IL18BP: variants seen among roughly 807,000 people sequenced by gnomAD.
IL18BP encodes the protein interleukin 18 binding protein.
A neutral mutation model predicts 19.9 loss-of-function variants in IL18BP; 23 were observed. That is an observed-to-expected ratio of 1.15 (90% CI 0.83 to 1.64). The LOEUF is 1.64. Ranked by LOEUF, IL18BP falls within the 40% of genes most tolerant of loss-of-function variation. The pLI is 0.00. For missense variants in IL18BP, 239 were observed against 240.7 expected, an observed-to-expected ratio of 0.99 and a Z score of 0.05; for synonymous variants, 107 against 101.0, an observed-to-expected ratio of 1.06 and a Z score of -0.35.
At chr11:72,001,161 C>T (rs779087774) in intron 3 of IL18BP, 40 bp from the exon 4 acceptor site, 27 of 1,612,436 alleles carry the variant, frequency 1.7e-5, no homozygotes, top group East Asian at 2.2e-5. Context: ...AGGGGAAGGG[C>T]CTGCTCTTCT....
In IL18BP at chr11:72,002,281, C is replaced by T. The variant is rs185090146; in HGVS notation, c.*420C>T. On this transcript the variant is annotated 3_prime_UTR_variant, in exon 6 of 6. Transcript: ENST00000393703. ...TCCCATGTCTCTGCTCATTTAGTCC[C>T]GTCTTCCTCACCGCCCCAGCAGGGG... 29 of 199,180 alleles carry T rather than the reference C, an allele frequency of 1.5e-4. No homozygotes were observed. Among genetic ancestry groups the T allele is most frequent in the African/African-American group, 5.3e-4 (23 of 43,254 alleles). The allele number at this position is 199,180 out of a possible 1,614,324, so 12.3% of individuals were successfully genotyped here. A position where few individuals can be genotyped will look rare whatever the true frequency, so the allele number is the denominator to read the frequency against.
At chr11:72,000,615 TG>T in intron 3 of IL18BP, 58 bp downstream of exon 3, 1 of 1,471,062 alleles carries the variant, frequency 6.8e-7, no homozygotes, top group Non-Finnish European at 9.4e-7. Flanking sequence ...AGGGTCGGGT[TG>T]ACTCCTGAGC....
At chr11:72,006,235 G>A (rs1213426547), downstream of IL18BP, 1 of 1,614,038 alleles carries the variant, frequency 6.2e-7, no homozygotes, top group Non-Finnish European at 8.5e-7. Flanking sequence ...CGATGAGTTG[G>A]CGCTGTCTGG....
At chr11:71,999,790 A>AAC in intron 1 of IL18BP, 137 bp from the exon 2 acceptor site, 1 of 596,988 alleles carries the variant, frequency 1.7e-6, no homozygotes, top group East Asian at 2.8e-5. Context: ...TTGTCACTTG[A>AAC]CCCCCCCAGC....
chr11:72,001,075 G>T, intron 3 of IL18BP, 126 bp from the exon 4 acceptor site: 1 of 1,137,906 alleles, frequency 8.8e-7, no homozygotes, highest in East Asian at 2.5e-5. Flanking sequence ...CCTAGGTGGT[G>T]TGCAGAGCAG....
At chr11:72,007,621 T>C (rs1955831923), downstream of IL18BP, 1 of 702,622 alleles carries the variant, frequency 1.4e-6, no homozygotes, top group East Asian at 2.8e-5. Context: ...TCCACTCCCC[T>C]GGCTTCTCCT....
downstream of IL18BP, chr11:72,003,680 T>C (rs1590843788): frequency 3.4e-6 from 4 of 1,160,480 alleles, no homozygotes; most frequent in East Asian, 9.7e-5. Flanking sequence ...TTGCTGGCTG[T>C]GCCTGAGCAG....
Position 72,001,539 on chromosome 11 carries a change from T to C in IL18BP, c.494T>C (p.Leu165Pro). The part of the protein sequence containing the change: ...PEQVVQRHVV[L>P]AQLWAGLRAT... Reference sequence around the variant, plus strand: ...CAGGTTGTCCAGCGTCACGTCGTCCTGGCCCAGCTCTGGGTGAGGAGCCCA... The same window carrying C: ...CAGGTTGTCCAGCGTCACGTCGTCCCGGCCCAGCTCTGGGTGAGGAGCCCA... Residue 165 changes from leucine to proline, a missense_variant, in exon 5 of 6, where the codon CTG becomes CCG. Leu to Pro is a moderately conservative substitution (Grantham distance 98). Transcript: ENST00000393703. The C allele has an allele frequency of 6.2e-7, 1 of 1,612,644 alleles. No homozygotes were observed. Among genetic ancestry groups the C allele is most frequent in the South Asian group, 1.1e-5 (1 of 90,702 alleles).
rs914190770 is a variant in IL18BP, at chr11:72,002,172, T to G, written c.*311T>G. 1.1e-5 allele frequency: 5 copies of G among 449,156 alleles called. No homozygotes were observed. The highest frequency in any genetic ancestry group is 9.8e-5 in the African/African-American group (5 of 50,994). 27.8% of individuals were successfully genotyped at this position (449,156 alleles called of 1,614,324 possible). A position where few individuals can be genotyped will look rare whatever the true frequency, so the allele number is the denominator to read the frequency against. The stretch of plus-strand genomic sequence containing the variant: ...ACCAAGACTGTTGATGCCTTAGCCT[T>G]GCACTCCAGGGCCCTACCTGCATTT... On this transcript the variant is annotated 3_prime_UTR_variant, in exon 6 of 6. Transcript: ENST00000393703.
chr11:72,006,071 G>A (rs368954884), downstream of IL18BP: 358 of 1,613,506 alleles, frequency 2.2e-4, 1 homozygote, highest in Non-Finnish European at 2.8e-4. Flanking sequence ...GCCTGGGAAC[G>A]ACGAGCAGAA....
intron 2 of IL18BP, 108 bp from the exon 3 acceptor site, chr11:72,000,243 T>C: frequency 3.7e-6 from 4 of 1,075,474 alleles, no homozygotes; most frequent in Non-Finnish European, 5.6e-6. Context: ...CTCTTCCCGC[T>C]CTGATTCCCT....
intron 3 of IL18BP, 53 bp downstream of exon 3, chr11:72,000,610 C>A (rs1955163301): frequency 2.7e-6 from 4 of 1,498,878 alleles, no homozygotes; most frequent in Non-Finnish European, 3.7e-6. Flanking sequence ...TTCCCAGGGT[C>A]GGGTTGACTC....
chr11:72,000,077 T>G, intron 2 of IL18BP, 65 bp downstream of exon 2: 2 of 1,566,108 alleles, frequency 1.3e-6, no homozygotes, highest in Non-Finnish European at 1.8e-6. Flanking sequence ...AATGGAGCAA[T>G]GGGCTAACCC....
downstream of IL18BP, chr11:72,006,221 A>G (rs35586429): frequency 7.2e-3 from 11,618 of 1,614,202 alleles, 64 homozygotes; most frequent in South Asian, 9.8e-3. Context: ...CGCGTGCTGT[A>G]GAACGATGAG....
At chr11:72,003,593 C>T (rs1955417075), downstream of IL18BP, 2 of 1,605,046 alleles carry the variant, frequency 1.2e-6, no homozygotes, top group Admixed American at 3.3e-5. Flanking sequence ...TAGCCTGCAC[C>T]CACTGGCTGG....
downstream of IL18BP, chr11:72,003,696 G>A (rs5743683): frequency 5.5e-3 from 5,839 of 1,061,594 alleles, 207 homozygotes; most frequent in African/African-American, 0.081. Context: ...AGCAGCTCTG[G>A]GTGCTCTCCA....
Position 72,001,890 on chromosome 11 carries a change from A to T in IL18BP, c.*29A>T, listed in dbSNP as rs1302976916. ...TCAGCACAGGGCCAGCAGCAGCACA[A>T]CCTTGACCAGAGCTTGGGTCCTACC... On this transcript the variant is annotated 3_prime_UTR_variant, in exon 6 of 6. Coordinates refer to ENST00000393703, the MANE Select transcript of IL18BP (RefSeq NM_001039660.2). 9 of 1,613,754 alleles carry T rather than the reference A, an allele frequency of 5.6e-6. No homozygotes were observed. The highest frequency in any genetic ancestry group is 3.3e-5 in the Admixed American group (2 of 59,972).
downstream of IL18BP, chr11:72,003,250 GT>G (rs1397927713): frequency 4.0e-5 from 20 of 504,614 alleles, no homozygotes; most frequent in Admixed American, 2.7e-4. Flanking sequence ...CTCAAATCTG[GT>G]TGTGATGGAG....
At chr11:72,004,283 C>G, downstream of IL18BP, 1 of 1,613,508 alleles carries the variant, frequency 6.2e-7, no homozygotes, top group Non-Finnish European at 8.5e-7. Flanking sequence ...CTGTTTGCGC[C>G]CTTCATGTCG....
Sources: allele counts gnomAD v4.1 joint callset, GRCh38; gene constraint gnomAD v4.1.1; transcripts MANE v1.5; gene names NCBI Gene and HGNC (gene_info 2026-07-23, HGNC 2026-07-21).